RGPD4: variants seen among roughly 807,000 people sequenced by gnomAD.
RGPD4 encodes ranBP2-like and GRIP domain-containing protein 4.
Under a neutral mutation model 141.1 loss-of-function variants are expected in RGPD4, and 84 were observed. That is an observed-to-expected ratio of 0.60 (90% CI 0.50 to 0.71). RGPD4 has a LOEUF of 0.71. RGPD4 is among the 30% of genes least tolerant of loss of function. The pLI is 0.00. For missense variants in RGPD4, 918 were observed against 1,622.4 expected (o/e 0.57, Z 7.46); for synonymous variants, 298 against 566.8 (o/e 0.53, Z 6.74).
intron 22 of RGPD4, among the ~76,000 whole-genome samples, chr2:107,884,539 TG>T (rs1412992441): frequency 1.4e-5 from 2 of 147,828 alleles, no homozygotes; most frequent in African/African-American, 5.0e-5. Context: ...ACACTGAGCT[TG>T]TTCCAATTGC....
At chr2:107,830,343 T>TAA (rs10547790) in intron 1 of RGPD4, among the ~76,000 whole-genome samples, 9 of 140,572 alleles carry the variant, frequency 6.4e-5, no homozygotes, top group African/African-American at 2.1e-4. Flanking sequence ...TAAACAAGCT[T>TAA]AAAAAAAAAA....
intron 1 of RGPD4, among the ~76,000 whole-genome samples, chr2:107,830,116 C>T (rs1289571005): frequency 1.3e-5 from 2 of 151,914 alleles, no homozygotes; most frequent in Non-Finnish European, 2.9e-5. Flanking sequence ...CCACTCCACT[C>T]CTCATACTCA....
rs1293613263 is a variant in RGPD4 at position 107,849,773 on chromosome 2, T to C, written c.978+1237T>C. ...AAACCAGGCTTAGAAAAATGATTAA[T>C]TTTAGAGAAGGATTTTTTGCTTAGG... On this transcript the variant is annotated intron_variant, in intron 7 of 22. Coordinates refer to ENST00000408999, the MANE Select transcript of RGPD4 (RefSeq NM_182588.3). 1.5e-4 allele frequency among the ~76,000 whole-genome samples: 5 copies of C among 32,380 alleles called. No homozygotes were observed. In the East Asian group the frequency reaches 2.3e-3, roughly 15 times the overall value. 21.2% of individuals were successfully genotyped at this position (32,380 alleles called of 152,430 possible). A position where few individuals can be genotyped will look rare whatever the true frequency, so the allele number is the denominator to read the frequency against.
chr2:107,890,288 T>G, intron 22 of RGPD4, among the ~76,000 whole-genome samples: 1 of 57,638 alleles, frequency 1.7e-5, no homozygotes, highest in Non-Finnish European at 3.5e-5. Context: ...CAGTGGCTCG[T>G]GACTGTAATC....
chr2:107,846,095 T>G, intron 6 of RGPD4, among the ~76,000 whole-genome samples: 1 of 133,146 alleles, frequency 7.5e-6, no homozygotes, highest in African/African-American at 3.1e-5. Flanking sequence ...CCCAGCTAAT[T>G]TTTTGTATTT....
rs919672080 is a variant in RGPD4, at chr2:107,871,747, A to G, written c.3743A>G (p.Glu1248Gly). ...PNPENTGPTL[E>G]WDNCDLREDA... ...CCTGAAAACACTGGGCCCACATTAG[A>G]ATGGGATAACTGTGATTTAAGGGAA... Residue 1248 changes from glutamate to glycine, a missense_variant, in exon 20 of 23, where the codon GAA becomes GGA. Coordinates refer to ENST00000408999, the MANE Select transcript of RGPD4 (RefSeq NM_182588.3). The G allele has an allele frequency of 9.3e-6, 15 of 1,611,104 alleles. No individual in the cohort carries two copies. In the African/African-American group the frequency reaches 1.2e-4, roughly 13 times the overall value.
intron 20 of RGPD4, among the ~76,000 whole-genome samples, chr2:107,873,458 C>T (rs1361638562): frequency 6.9e-6 from 1 of 144,986 alleles, no homozygotes; most frequent in East Asian, 2.0e-4. Context: ...CTATAATTAG[C>T]AGCTACTCAG....
chr2:107,830,234 C>G (rs868346573), intron 1 of RGPD4, among the ~76,000 whole-genome samples: 1 of 151,386 alleles, frequency 6.6e-6, no homozygotes, highest in African/African-American at 2.4e-5. Context: ...AATTTTTAAC[C>G]TTTTCCACAG....
chr2:107,867,193 C>A (rs1682756028), intron 18 of RGPD4, among the ~76,000 whole-genome samples: 1 of 149,774 alleles, frequency 6.7e-6, no homozygotes. Context: ...TAATACATTG[C>A]TCCCAGGCAG....
chr2:107,878,155 A>G (rs796132464), intron 20 of RGPD4, among the ~76,000 whole-genome samples: 1 of 150,970 alleles, frequency 6.6e-6, no homozygotes, highest in Non-Finnish European at 1.5e-5. Flanking sequence ...TTCCTCATAC[A>G]CCTTTCACTT....
intron 7 of RGPD4, among the ~76,000 whole-genome samples, 165 bp from the exon 8 acceptor site, chr2:107,854,391 A>G (rs1682232149): frequency 6.6e-6 from 1 of 151,992 alleles, no homozygotes; most frequent in Non-Finnish European, 1.5e-5. Context: ...CATAGGTTAT[A>G]TAAATTCCTT....
chr2:107,858,258 G>A (rs1336687504), intron 9 of RGPD4, among the ~76,000 whole-genome samples: 1 of 151,830 alleles, frequency 6.6e-6, no homozygotes, highest in African/African-American at 2.4e-5. Context: ...TCAACAAAAA[G>A]TGTCTTCATG....
intron 1 of RGPD4, among the ~76,000 whole-genome samples, chr2:107,828,608 G>C (rs1282721719): frequency 9.1e-6 from 1 of 109,392 alleles, no homozygotes; most frequent in African/African-American, 3.8e-5. Context: ...GCCGGGCGGC[G>C]GCGGCCTCGA....
intron 21 of RGPD4, 75 bp downstream of exon 21, chr2:107,880,182 G>C: frequency 6.9e-7 from 1 of 1,457,136 alleles, no homozygotes; most frequent in African/African-American, 1.5e-5. Context: ...ATGTACCCAA[G>C]TTTAAAAATT....
intron 1 of RGPD4, among the ~76,000 whole-genome samples, chr2:107,827,929 G>A (rs1438723873): frequency 7.2e-4 from 5 of 6,972 alleles, no homozygotes; most frequent in Middle Eastern, 0.25. Context: ...CCCGGAGGCG[G>A]CCTCGATGGC....
At chr2:107,890,642 G>C in intron 22 of RGPD4, 79 bp from the exon 23 acceptor site, 1 of 1,155,364 alleles carries the variant, frequency 8.7e-7, no homozygotes, top group South Asian at 1.4e-5. Context: ...ATATTGTAGA[G>C]TGGTTCTAAA....
chr2:107,829,685 G>A (rs1177917380), intron 1 of RGPD4, among the ~76,000 whole-genome samples: 1 of 152,138 alleles, frequency 6.6e-6, no homozygotes, highest in African/African-American at 2.4e-5. Flanking sequence ...AGAGTCCTGG[G>A]GGGACCGCGG....
intron 6 of RGPD4, among the ~76,000 whole-genome samples, chr2:107,845,794 G>C (rs1324531505): frequency 3.3e-5 from 5 of 151,994 alleles, no homozygotes; most frequent in Non-Finnish European, 5.9e-5. Flanking sequence ...TCGATCTCCT[G>C]ACCTCGTGAT....
chr2:107,888,893 G>C (rs1675578363), intron 22 of RGPD4, among the ~76,000 whole-genome samples: 1 of 142,476 alleles, frequency 7.0e-6, no homozygotes, highest in Admixed American at 7.1e-5. Flanking sequence ...TTGCAGCCCT[G>C]TGAGAGACCT....
Sources: allele counts gnomAD v4.1 joint callset (sites outside exome capture counted in the v4.1 genomes callset), GRCh38; gene constraint gnomAD v4.1.1; transcripts MANE v1.5; gene names NCBI Gene and HGNC (gene_info 2026-07-23, HGNC 2026-07-21).